The following CELF2 variants were observed in gnomAD, a reference collection of about 807,000 sequenced individuals.
CELF2 encodes CUG triplet repeat RNA-binding protein 2.
CELF2 carries 8 observed loss-of-function variants against 62.6 expected under a neutral mutation model. That is an observed-to-expected ratio of 0.13 (90% CI 0.07 to 0.23). The LOEUF (loss-of-function observed/expected upper bound fraction) is 0.23. CELF2 is among the 10% of genes least tolerant of loss of function. The pLI is 1.00. For synonymous variants in CELF2, 258 were observed against 250.0 expected (o/e 1.03, Z -0.30); for missense variants, 333 against 671.0 (o/e 0.50, Z 5.56).
chr10:10,783,488 A>G, the CELF2 span, among the ~76,000 whole-genome samples: 6 of 152,212 alleles, frequency 3.9e-5, no homozygotes, highest in African/African-American at 1.2e-4. Context: ...GCCAGTACCG[A>G]CACCATGATC....
chr10:10,566,653 G>A, the CELF2 span, among the ~76,000 whole-genome samples: 3 of 147,884 alleles, frequency 2.0e-5, no homozygotes, highest in Admixed American at 2.1e-4. Flanking sequence ...CCACCTATGA[G>A]TGAGAATATG....
At chr10:11,204,819 C>T (rs1382765410) in intron 2 of CELF2, among the ~76,000 whole-genome samples, 5 of 152,228 alleles carry the variant, frequency 3.3e-5, no homozygotes, top group Non-Finnish European at 7.3e-5. Context: ...TAGGACATCA[C>T]GTCTTCTTGT....
chr10:10,938,866 C>T lies in CELF2; in HGVS notation c.89+18867C>T, dbSNP rs1468091629. Among the ~76,000 whole-genome samples the T allele has an allele frequency of 6.6e-6, 1 of 152,194 alleles. No individual in the cohort carries two copies. Among genetic ancestry groups the T allele is most frequent in the Non-Finnish European group, 1.5e-5 (1 of 68,032 alleles). On this transcript the variant is annotated intron_variant, in intron 2 of 13. Coordinates refer to the CELF2 transcript ENST00000636488. The surrounding 1 kb of genome is among the most constrained non-coding windows in gnomAD (Gnocchi z 4.2). ...GAAGCAGCTGTCTTTTTCCATCTGC[C>T]CTGCCTCTTGCTAGTTGAAGTCACC...
At chr10:10,543,808 C>T in the CELF2 span, among the ~76,000 whole-genome samples, 1 of 152,268 alleles carries the variant, frequency 6.6e-6, no homozygotes, top group East Asian at 1.9e-4. Context: ...TGCCCCCTCT[C>T]CCGCTTCAGA....
At chr10:10,884,881 A>T (rs554405388) in intron 1 of CELF2, among the ~76,000 whole-genome samples, 1 of 152,220 alleles carries the variant, frequency 6.6e-6, no homozygotes, top group South Asian at 2.1e-4. Context: ...TGGCATGCTT[A>T]TTGTGGCCTT....
Position 11,140,339 on chromosome 10 carries a change from C to G in CELF2, c.75-25147C>G, listed in dbSNP as rs117641616. On this transcript the variant is annotated intron_variant, in intron 1 of 12. Transcript: ENST00000633077. ...CACTGCAGCCTTGAACTCCTGGCCTCCGGTGATCCTTCCATCTCACCCTCC... is the reference window on the plus strand; with the variant it reads ...CACTGCAGCCTTGAACTCCTGGCCTGCGGTGATCCTTCCATCTCACCCTCC... Among the ~76,000 whole-genome samples, 885 of 152,230 alleles carry G rather than the reference C, an allele frequency of 5.8e-3. 18 individuals carry two copies. Among genetic ancestry groups the G allele is most frequent in the East Asian group, 0.036 (186 of 5,182 alleles).
intron 1 of CELF2, among the ~76,000 whole-genome samples, chr10:11,148,179 TA>T (rs2062629224): frequency 6.6e-6 from 1 of 152,048 alleles, no homozygotes. Context: ...GTTGAGAGAG[TA>T]AAAGGTATTT....
In CELF2 at chr10:11,005,551, G is replaced by T; in HGVS notation, c.53+111G>T. 1 of 1,510,026 alleles carries T rather than the reference G, an allele frequency of 6.6e-7. No homozygotes were observed. Among genetic ancestry groups the T allele is most frequent in the South Asian group, 1.1e-5 (1 of 87,784 alleles). 93.5% of individuals were successfully genotyped at this position (1,510,026 alleles called of 1,614,324 possible). On this transcript the variant is annotated intron_variant, in intron 1 of 12. Transcript: ENST00000416382. This position sits in a 1 kb window ranked among gnomAD's most constrained non-coding sequence, Gnocchi z 4.3. The stretch of plus-strand genomic sequence containing the variant: ...AGCTTCCTTACCTTAGAAGAGAAGG[G>T]GGGAAAAAGAATCTAAAGAGGAAGA...
intron 1 of CELF2, among the ~76,000 whole-genome samples, chr10:10,892,677 C>G (rs1392454021): frequency 6.6e-6 from 1 of 152,168 alleles, no homozygotes; most frequent in Non-Finnish European, 1.5e-5. Context: ...CTGGGACATG[C>G]AGTGAACTTG....
chr10:11,236,695 T>TAA (rs1211182278), intron 3 of CELF2, among the ~76,000 whole-genome samples: 1 of 152,214 alleles, frequency 6.6e-6, no homozygotes, highest in Non-Finnish European at 1.5e-5. Context: ...CCCATGTTTT[T>TAA]AAAAAACTAC....
intron 1 of CELF2, among the ~76,000 whole-genome samples, chr10:10,883,544 G>A (rs538731474): frequency 7.2e-5 from 11 of 152,086 alleles, no homozygotes; most frequent in Non-Finnish European, 1.0e-4. Flanking sequence ...GCTGCCACCC[G>A]GAATGGCATT....
chr10:10,755,781 G>A, the CELF2 span, among the ~76,000 whole-genome samples: 1 of 152,150 alleles, frequency 6.6e-6, no homozygotes, highest in African/African-American at 2.4e-5. Flanking sequence ...CAAGACACCT[G>A]AGCTGAGTGG....
At chr10:10,691,155 T>G in the CELF2 span, among the ~76,000 whole-genome samples, 1 of 146,378 alleles carries the variant, frequency 6.8e-6, no homozygotes, top group East Asian at 2.1e-4. Flanking sequence ...ATCCCTCCCC[T>G]CTCCCCCCAC....
At chr10:10,716,996 C>G in the CELF2 span, among the ~76,000 whole-genome samples, 2 of 152,236 alleles carry the variant, frequency 1.3e-5, no homozygotes, top group Non-Finnish European at 2.9e-5. Context: ...CATGCGGGCA[C>G]GTGAATCAGT....
At chr10:10,963,429 C>A (rs1237656757) in intron 2 of CELF2, among the ~76,000 whole-genome samples, 1 of 152,166 alleles carries the variant, frequency 6.6e-6, no homozygotes, top group African/African-American at 2.4e-5. Flanking sequence ...CTTTAACCTG[C>A]TCTTCTTAAC....
chr10:10,602,555 T>G, the CELF2 span, among the ~76,000 whole-genome samples: 48 of 152,278 alleles, frequency 3.2e-4, no homozygotes, highest in African/African-American at 9.6e-4. Context: ...TCATTTTCAT[T>G]TCACGGATAC....
At chr10:10,800,845 G>A (rs1194750199) in intron 1 of CELF2, among the ~76,000 whole-genome samples, 2 of 151,956 alleles carry the variant, frequency 1.3e-5, no homozygotes, top group Admixed American at 1.3e-4. Context: ...TAGAATAAAT[G>A]ATGCTTTCCT....
At position 10,972,470 on chromosome 10, in the gene CELF2, C is replaced by G. The variant is rs2050853864; in HGVS notation, c.89+52471C>G. ...CCATCCCTCTCGTCTCCTGGTTCTCCCCCTACATCTGTCCTTGTAATTCTC... is the reference window on the plus strand; with the variant it reads ...CCATCCCTCTCGTCTCCTGGTTCTCGCCCTACATCTGTCCTTGTAATTCTC... On this transcript the variant is annotated intron_variant, in intron 2 of 13. Coordinates refer to the CELF2 transcript ENST00000636488. This position sits in a 1 kb window ranked among gnomAD's most constrained non-coding sequence, Gnocchi z 4.4. Among the ~76,000 whole-genome samples, 1 of 152,144 alleles carries G rather than the reference C, an allele frequency of 6.6e-6. No homozygotes were observed.
At chr10:10,700,171 T>C in the CELF2 span, among the ~76,000 whole-genome samples, 15 of 152,260 alleles carry the variant, frequency 9.9e-5, no homozygotes, top group East Asian at 2.9e-3. Context: ...GGATAAATCA[T>C]TGAATCATTG....
Sources: gnomAD v4.1 joint callset for allele counts (sites outside exome capture counted in the v4.1 genomes callset) on GRCh38, gnomAD v4.1.1 for gene constraint, Gnocchi (gnomAD v3.1) non-coding constraint, MANE v1.5 for transcripts, NCBI Gene and HGNC (gene_info 2026-07-23, HGNC 2026-07-21) for gene names.